The following KRABD5 variants were observed in gnomAD, a reference collection of about 807,000 sequenced individuals.
The protein encoded by KRABD5 is KRAB domain containing 5.
the KRABD5 span, among the ~76,000 whole-genome samples, chr16:31,747,813 C>T: frequency 1.3e-5 from 2 of 152,148 alleles, no homozygotes; most frequent in Non-Finnish European, 2.9e-5. Context: ...TGTTCATGTC[C>T]TTTGCCCACT....
the KRABD5 span, among the ~76,000 whole-genome samples, chr16:31,752,115 A>C: frequency 6.6e-6 from 1 of 152,170 alleles, no homozygotes; most frequent in Non-Finnish European, 1.5e-5. Context: ...TTTAGTCCAA[A>C]AGTATGACTG....
the KRABD5 span, among the ~76,000 whole-genome samples, chr16:31,733,794 A>C: frequency 6.6e-6 from 1 of 152,182 alleles, no homozygotes; most frequent in Admixed American, 6.5e-5. Flanking sequence ...CTGCTCATCC[A>C]TAAAGGAACA....
chr16:31,746,107 C>T, the KRABD5 span, among the ~76,000 whole-genome samples: 29 of 152,142 alleles, frequency 1.9e-4, no homozygotes, highest in Non-Finnish European at 3.5e-4. Flanking sequence ...AGACATTTAG[C>T]CCATTTATAT....
chr16:31,744,624 G>A, the KRABD5 span, among the ~76,000 whole-genome samples: 2 of 152,178 alleles, frequency 1.3e-5, no homozygotes, highest in South Asian at 2.1e-4. Flanking sequence ...GTACCAGGAT[G>A]ATGCTGGCTT....
chr16:31,740,234 A>G, the KRABD5 span, among the ~76,000 whole-genome samples: 2 of 152,036 alleles, frequency 1.3e-5, no homozygotes, highest in Admixed American at 1.3e-4. Flanking sequence ...GGCCTACTTG[A>G]TAGTACCCCA....
the KRABD5 span, among the ~76,000 whole-genome samples, chr16:31,743,239 G>T: frequency 1.3e-5 from 2 of 152,074 alleles, no homozygotes; most frequent in African/African-American, 4.8e-5. Context: ...TTCTTCTAGG[G>T]TTTTTATGGT....
chr16:31,726,020 G>T, the KRABD5 span, among the ~76,000 whole-genome samples: 17 of 152,106 alleles, frequency 1.1e-4, no homozygotes, highest in Admixed American at 3.3e-4. Context: ...TTTGTTGATT[G>T]TGCTTTTTTG....
chr16:31,714,795 C>T, the KRABD5 span, among the ~76,000 whole-genome samples: 990 of 152,210 alleles, frequency 6.5e-3, 9 homozygotes, highest in African/African-American at 0.023. Flanking sequence ...GATTCACAGG[C>T]GGATGTGGTC....
chr16:31,742,550 C>G, the KRABD5 span, among the ~76,000 whole-genome samples: 3 of 152,100 alleles, frequency 2.0e-5, no homozygotes, highest in African/African-American at 7.2e-5. Flanking sequence ...GTTTCTTTAT[C>G]CAGTCTATCA....
chr16:31,745,434 G>C, the KRABD5 span, among the ~76,000 whole-genome samples: 3 of 152,170 alleles, frequency 2.0e-5, no homozygotes, highest in Non-Finnish European at 2.9e-5. Flanking sequence ...ATGGTTTTGA[G>C]TGAGTTTCTT....
At chr16:31,759,349 T>C in the KRABD5 span, 1 of 1,530,522 alleles carries the variant, frequency 6.5e-7, no homozygotes, top group South Asian at 1.2e-5. Flanking sequence ...TTTTGTATTT[T>C]ATTCCAGGCA....
the KRABD5 span, among the ~76,000 whole-genome samples, chr16:31,748,554 G>A: frequency 6.6e-6 from 1 of 152,180 alleles, no homozygotes; most frequent in South Asian, 2.1e-4. Flanking sequence ...CTTTAGCTCA[G>A]TGTAGTTTTT....
At chr16:31,745,513 A>G in the KRABD5 span, among the ~76,000 whole-genome samples, 12 of 152,160 alleles carry the variant, frequency 7.9e-5, no homozygotes, top group African/African-American at 2.9e-4. Context: ...GTTATTTTGT[A>G]TTTGCTGAAG....
At chr16:31,746,627 TG>T in the KRABD5 span, among the ~76,000 whole-genome samples, 1 of 152,146 alleles carries the variant, frequency 6.6e-6, no homozygotes, top group South Asian at 2.1e-4. Flanking sequence ...ATCTTAGTAG[TG>T]GTCTCTGTAT....
At chr16:31,718,527 G>A in the KRABD5 span, among the ~76,000 whole-genome samples, 1 of 152,208 alleles carries the variant, frequency 6.6e-6, no homozygotes. Context: ...CATGGTGGCA[G>A]AATCTGTAAG....
At chr16:31,755,235 A>G in the KRABD5 span, 1 of 479,102 alleles carries the variant, frequency 2.1e-6, no homozygotes, top group East Asian at 6.5e-5. Context: ...TCATGTAGCA[A>G]ATCTTTTTCT....
chr16:31,754,311 A>G, the KRABD5 span: 1 of 615,804 alleles, frequency 1.6e-6, no homozygotes, highest in Non-Finnish European at 2.9e-6. Flanking sequence ...TGTGATCAAT[A>G]TAGAAAGGTC....
chr16:31,736,215 AT>A, the KRABD5 span, among the ~76,000 whole-genome samples: 1 of 152,138 alleles, frequency 6.6e-6, no homozygotes, highest in Non-Finnish European at 1.5e-5. Context: ...CTTTAGGAGC[AT>A]GAATTTATTT....
chr16:31,748,342 T>C, the KRABD5 span, among the ~76,000 whole-genome samples: 5 of 152,208 alleles, frequency 3.3e-5, no homozygotes, highest in African/African-American at 1.2e-4. Context: ...TCTGTTCCAT[T>C]GGTCTATATC....
Sources: gnomAD v4.1 joint callset for allele counts (sites outside exome capture counted in the v4.1 genomes callset) on GRCh38, gnomAD v4.1.1 for gene constraint, MANE v1.5 for transcripts, NCBI Gene and HGNC (gene_info 2026-07-23, HGNC 2026-07-21) for gene names.